PPFIA2: variants seen among roughly 807,000 people sequenced by gnomAD.
PPFIA2 encodes liprin-alpha-2.
A neutral mutation model predicts 175.5 loss-of-function variants in PPFIA2; 46 were observed. That is an observed-to-expected ratio of 0.26 (90% confidence interval 0.21 to 0.34). The LOEUF is 0.34. Ranked by LOEUF, PPFIA2 falls within the 10% of genes least tolerant of loss-of-function variation. The pLI, the probability that PPFIA2 is intolerant of heterozygous loss-of-function variation, is 1.00. For missense variants in PPFIA2, 1,179 were observed against 1,506.1 expected (o/e 0.78, Z 3.60); for synonymous variants, 568 against 511.4 (o/e 1.11, Z -1.49).
chr12:81,600,467 CTATT>C (rs2059674262), intron 4 of PPFIA2, among the ~76,000 whole-genome samples: 2 of 151,780 alleles, frequency 1.3e-5, no homozygotes, highest in African/African-American at 4.8e-5. Context: ...TTTGCTGAAA[CTATT>C]TATTTCCTTA....
At chr12:81,559,854 A>G (rs1333301283) in intron 4 of PPFIA2, among the ~76,000 whole-genome samples, 4 of 151,160 alleles carry the variant, frequency 2.6e-5, no homozygotes, top group Non-Finnish European at 5.9e-5. Flanking sequence ...CATTTCCCCC[A>G]ACCCAAATAA....
At chr12:81,672,566 C>T (rs754332213) in intron 4 of PPFIA2, among the ~76,000 whole-genome samples, 21 of 151,862 alleles carry the variant, frequency 1.4e-4, no homozygotes, top group African/African-American at 4.4e-4. Context: ...GATGGGTAAT[C>T]ACTTATTCAT....
intron 4 of PPFIA2, among the ~76,000 whole-genome samples, chr12:81,642,980 A>C (rs113852608): frequency 0.059 from 8,495 of 145,060 alleles, 368 homozygotes; most frequent in East Asian, 0.25. Flanking sequence ...TAAATTATAT[A>C]TCTCTTATGT....
At chr12:81,662,280 T>A (rs1446303852) in intron 4 of PPFIA2, among the ~76,000 whole-genome samples, 1 of 151,734 alleles carries the variant, frequency 6.6e-6, no homozygotes, top group Non-Finnish European at 1.5e-5. Context: ...TTGGAAGAGA[T>A]CAACAAAGTC....
At chr12:81,391,767 C>A (rs1353409399) in intron 8 of PPFIA2, among the ~76,000 whole-genome samples, 2 of 151,836 alleles carry the variant, frequency 1.3e-5, no homozygotes, top group East Asian at 3.9e-4. Flanking sequence ...GAAAAGAAAG[C>A]ATTGAGCTAA....
chr12:81,268,648 C>T (rs550682804), intron 28 of PPFIA2, among the ~76,000 whole-genome samples: 1 of 152,264 alleles, frequency 6.6e-6, no homozygotes, highest in South Asian at 2.1e-4. Flanking sequence ...GCACTTCAGT[C>T]GCGTAGAACA....
chr12:81,492,192 C>T (rs991009389), intron 4 of PPFIA2, among the ~76,000 whole-genome samples: 3 of 151,492 alleles, frequency 2.0e-5, no homozygotes, highest in Admixed American at 1.3e-4. Context: ...ATAACATCTG[C>T]ACAAAAAAAC....
intron 9 of PPFIA2, among the ~76,000 whole-genome samples, chr12:81,383,254 T>C (rs1421418907): frequency 6.6e-6 from 1 of 152,082 alleles, no homozygotes; most frequent in Non-Finnish European, 1.5e-5. Context: ...TTTTAAAAGA[T>C]AAAAATACAT....
At chr12:81,659,084 C>T (rs962015167) in intron 4 of PPFIA2, among the ~76,000 whole-genome samples, 9 of 152,050 alleles carry the variant, frequency 5.9e-5, no homozygotes, top group East Asian at 5.8e-4. Flanking sequence ...CAACGGAGGG[C>T]GGTTCCAAGA....
intron 4 of PPFIA2, among the ~76,000 whole-genome samples, chr12:81,608,917 T>C (rs1374878894): frequency 6.6e-6 from 1 of 152,062 alleles, no homozygotes; most frequent in Non-Finnish European, 1.5e-5. Context: ...AACTTTTTAA[T>C]GAAGGTATTT....
Position 81,261,964 on chromosome 12 carries a change from C to T in PPFIA2, c.*18G>A. The T allele has an allele frequency of 6.3e-7, 1 of 1,597,498 alleles. No individual in the cohort carries two copies. Among genetic ancestry groups the T allele is most frequent in the Non-Finnish European group, 8.5e-7 (1 of 1,171,074 alleles). On this transcript the variant is annotated 3_prime_UTR_variant, in exon 32 of 33. Transcript: ENST00000549396. ...AACTACTCACAGCAGGTCAGTGCTG[C>T]CTCCTTTGAGTGGCTGGTCAACATG...
chr12:81,365,456 G>A (rs2032881125), intron 14 of PPFIA2, among the ~76,000 whole-genome samples: 1 of 151,772 alleles, frequency 6.6e-6, no homozygotes, highest in African/African-American at 2.4e-5. Context: ...GGAGTTACAA[G>A]GCTTTGGTAG....
intron 16 of PPFIA2, among the ~76,000 whole-genome samples, chr12:81,355,031 G>A (rs556633444): frequency 1.3e-5 from 2 of 152,052 alleles, no homozygotes; most frequent in African/African-American, 2.4e-5. Flanking sequence ...GTTTTCAATT[G>A]GCTTTGCCCC....
At chr12:81,638,895 G>C (rs2064526784) in intron 4 of PPFIA2, among the ~76,000 whole-genome samples, 1 of 151,182 alleles carries the variant, frequency 6.6e-6, no homozygotes, top group African/African-American at 2.4e-5. Context: ...CACCGTTTTA[G>C]CCGGGATGGT....
intron 3 of PPFIA2, among the ~76,000 whole-genome samples, chr12:81,679,688 T>C (rs969002098): frequency 2.0e-5 from 3 of 151,946 alleles, no homozygotes; most frequent in East Asian, 3.9e-4. Context: ...GGGTAAGTTG[T>C]AAATTGAATG....
At chr12:81,521,262 G>A (rs1301650923) in intron 4 of PPFIA2, among the ~76,000 whole-genome samples, 1 of 151,840 alleles carries the variant, frequency 6.6e-6, no homozygotes, top group African/African-American at 2.4e-5. Flanking sequence ...TGAGTTTTGA[G>A]CCTTCTGCAT....
chr12:81,350,204 G>A (rs754317098), intron 17 of PPFIA2, among the ~76,000 whole-genome samples: 3 of 152,200 alleles, frequency 2.0e-5, no homozygotes, highest in Non-Finnish European at 2.9e-5. Flanking sequence ...ACTTAATTTG[G>A]TAAATTCGAC....
Position 81,474,974 on chromosome 12 carries a change from C to G in PPFIA2, c.304-17108G>C, listed in dbSNP as rs997722936. On this transcript the variant is annotated intron_variant, in intron 4 of 32. Transcript: ENST00000549396. Reference sequence around the variant, plus strand: ...ATTTATAATAGAATAATACACAACACAAAAATAAAATGGTATTTTAAGATT... The same window carrying G: ...ATTTATAATAGAATAATACACAACAGAAAAATAAAATGGTATTTTAAGATT... 5.5e-4 allele frequency among the ~76,000 whole-genome samples: 83 copies of G among 152,038 alleles called. 6 individuals carry two copies. Among genetic ancestry groups the G allele is most frequent in the Admixed American group, 6.6e-5 (1 of 15,258 alleles).
At chr12:81,480,797 G>A (rs982510282) in intron 4 of PPFIA2, among the ~76,000 whole-genome samples, 1 of 152,056 alleles carries the variant, frequency 6.6e-6, no homozygotes, top group African/African-American at 2.4e-5. Context: ...CCTCCCAGAG[G>A]GGCACCTACC....
Sources: gnomAD v4.1 joint callset for allele counts (sites outside exome capture counted in the v4.1 genomes callset) on GRCh38, gnomAD v4.1.1 for gene constraint, MANE v1.5 for transcripts, NCBI Gene and HGNC (gene_info 2026-07-23, HGNC 2026-07-21) for gene names.